The following PPP1R16A variants were observed in gnomAD, a reference collection of about 807,000 sequenced individuals.
The protein encoded by PPP1R16A is myosin phosphatase-targeting subunit 3.
PPP1R16A carries 39 observed loss-of-function variants against 46.6 expected under a neutral mutation model. The observed-to-expected ratio is 0.84, with a 90% CI of 0.65 to 1.09. The LOEUF is 1.09. Among genes scored for constraint, PPP1R16A ranks in the 50% least tolerant of loss-of-function variants. The probability of loss-of-function intolerance (pLI) is 0.00; values close to 1 mark genes in which losing one functional copy is unlikely to be tolerated. For synonymous variants in PPP1R16A, 413 were observed against 321.5 expected (o/e 1.28, Z -3.04); for missense variants, 798 against 735.6 (o/e 1.08, Z -0.98).
chr8:144,497,139 C>A lies in PPP1R16A; in HGVS notation c.-56C>A. The A allele has an allele frequency of 6.5e-7, 1 of 1,536,706 alleles. No individual in the cohort carries two copies. The highest frequency in any genetic ancestry group is 8.7e-7 in the Non-Finnish European group (1 of 1,145,776). On this transcript the variant is annotated 5_prime_UTR_variant, in exon 3 of 12. Transcript: ENST00000435887. Reference sequence around the variant, plus strand: ...CCCCACCCCTCAGGCCCAGCCTGGCCCCCAAGCTCCCCACTCTGGTGCCCC... The same window carrying A: ...CCCCACCCCTCAGGCCCAGCCTGGCACCCAAGCTCCCCACTCTGGTGCCCC...
intron 3 of PPP1R16A, 120 bp downstream of exon 3, chr8:144,497,573 A>G (rs1826137303): frequency 7.0e-7 from 1 of 1,426,384 alleles, no homozygotes. Flanking sequence ...TCCAGCCCCC[A>G]GATCTTGCCT....
chr8:144,500,453 T>C, intron 7 of PPP1R16A, 34 bp from the exon 8 acceptor site: 1 of 1,548,872 alleles, frequency 6.5e-7, no homozygotes, highest in African/African-American at 1.4e-5. Flanking sequence ...AGGTGGGGGA[T>C]GGGGCCGAAT....
chr8:144,492,964 G>A (rs575535157), intron 2 of PPP1R16A, among the ~76,000 whole-genome samples: 1 of 152,174 alleles, frequency 6.6e-6, no homozygotes, highest in Non-Finnish European at 1.5e-5. Flanking sequence ...GACCGGGGCA[G>A]CTCTGGGTTT....
At position 144,493,877 on chromosome 8, in the gene PPP1R16A, C is replaced by T. The variant is rs935391354; in HGVS notation, c.-734-2584C>T. On this transcript the variant is annotated intron_variant, in intron 2 of 11. Coordinates refer to ENST00000435887, the MANE Select transcript of PPP1R16A (RefSeq NM_001329443.2). The surrounding 1 kb of genome is among the most constrained non-coding windows in gnomAD (Gnocchi z 4.3). ...GGGTGGGGCCAAGTGCCCTGTGAGC[C>T]GTGCTGGGTGGGGTGGGGGAGGTAG... Among the ~76,000 whole-genome samples the T allele has an allele frequency of 1.3e-5, 2 of 151,762 alleles. No individual in the cohort carries two copies. The highest frequency in any genetic ancestry group is 4.8e-5 in the African/African-American group (2 of 41,292).
chr8:144,480,514 G>A (rs1052079466), intron 1 of PPP1R16A, among the ~76,000 whole-genome samples: 1 of 150,314 alleles, frequency 6.7e-6, no homozygotes, highest in African/African-American at 2.5e-5. Flanking sequence ...TTGAGACAGA[G>A]TCTTGCTCTG....
intron 1 of PPP1R16A, among the ~76,000 whole-genome samples, chr8:144,482,356 C>A (rs1392195143): frequency 6.6e-6 from 1 of 152,108 alleles, no homozygotes; most frequent in Non-Finnish European, 1.5e-5. Context: ...CCGCTCCTGG[C>A]CAGTTTATAG....
rs116427216 is a variant in PPP1R16A, at chr8:144,488,807, G to C, written c.-913-1227G>C. Among the ~76,000 whole-genome samples the C allele has an allele frequency of 3.2e-3, 487 of 152,050 alleles. 4 individuals are homozygous for C. The highest frequency in any genetic ancestry group is 0.011 in the African/African-American group (466 of 41,466). On this transcript the variant is annotated intron_variant, in intron 1 of 11. Coordinates refer to ENST00000435887, the MANE Select transcript of PPP1R16A (RefSeq NM_001329443.2). Reference sequence around the variant, plus strand: ...ACTCCAGGCCTCAGCCAGGAGCACAGGGGTTGGGGAAAGAGGGCCCTCAGT... The same window carrying C: ...ACTCCAGGCCTCAGCCAGGAGCACACGGGTTGGGGAAAGAGGGCCCTCAGT...
intron 3 of PPP1R16A, chr8:144,497,800 C>T (rs1826157675): frequency 2.4e-6 from 1 of 422,908 alleles, no homozygotes; most frequent in African/African-American, 2.0e-5. Flanking sequence ...GGCCGGTAGT[C>T]ATTGCTGCTT....
Position 144,478,077 on chromosome 8 carries a change from C to A in PPP1R16A, c.-964C>A. 2.5e-6 allele frequency: 1 copy of A among 395,798 alleles called. No individual in the cohort carries two copies. Among genetic ancestry groups the A allele is most frequent in the Non-Finnish European group, 4.5e-6 (1 of 224,178 alleles). 24.5% of individuals were successfully genotyped at this position (395,798 alleles called of 1,614,324 possible). On this transcript the variant is annotated 5_prime_UTR_variant, in exon 1 of 12. Coordinates refer to ENST00000435887, the MANE Select transcript of PPP1R16A (RefSeq NM_001329443.2). ...CCTCAGGGAGCGCGGGGCCCACTGACCCGCGGAAGCCAGCGGACCCACTTG... is the reference window on the plus strand; with the variant it reads ...CCTCAGGGAGCGCGGGGCCCACTGAACCGCGGAAGCCAGCGGACCCACTTG...
At chr8:144,498,238 C>T in intron 3 of PPP1R16A, 6 of 370,270 alleles carry the variant, frequency 1.6e-5, no homozygotes, top group South Asian at 1.1e-4. Flanking sequence ...TCCTGCTGCA[C>T]CCCAGGCACC....
rs201584344 is a variant in PPP1R16A, at chr8:144,497,495, C to T, written c.259+42C>T. On this transcript the variant is annotated intron_variant, in intron 3 of 11. Transcript: ENST00000435887. The stretch of plus-strand genomic sequence containing the variant: ...CCAGAGCAGCTCCCAGCAGACGGCC[C>T]ACTCCCTGCTACCTGGGTGCCGTCT... 1,232 of 1,609,230 alleles carry T rather than the reference C, an allele frequency of 7.7e-4. 9 individuals carry two copies. The highest frequency in any genetic ancestry group is 3.5e-4 in the Non-Finnish European group (410 of 1,179,670).
At chr8:144,489,418 G>C (rs1451866858) in intron 1 of PPP1R16A, among the ~76,000 whole-genome samples, 1 of 150,204 alleles carries the variant, frequency 6.7e-6, no homozygotes, top group Middle Eastern at 3.2e-3. Flanking sequence ...GTCTGGGAGG[G>C]GGTGAGCTGC....
chr8:144,487,022 CT>C (rs2130257720), intron 1 of PPP1R16A, among the ~76,000 whole-genome samples: 1 of 152,138 alleles, frequency 6.6e-6, no homozygotes, highest in Admixed American at 6.5e-5. Flanking sequence ...TGATTATTTT[CT>C]GTCACCCAGT....
At chr8:144,491,655 C>T (rs1034645240) in intron 2 of PPP1R16A, among the ~76,000 whole-genome samples, 23 of 151,424 alleles carry the variant, frequency 1.5e-4, no homozygotes, top group African/African-American at 5.3e-4. Flanking sequence ...TCCAGCTACT[C>T]GGGAGGCTGA....
chr8:144,500,788 T>A (rs915949348), intron 9 of PPP1R16A, 27 bp downstream of exon 9: 5 of 1,608,118 alleles, frequency 3.1e-6, no homozygotes, highest in Non-Finnish European at 4.2e-6. Flanking sequence ...CACCTCCACC[T>A]GGGGGAGAGG....
At chr8:144,482,604 C>T (rs940633756) in intron 1 of PPP1R16A, among the ~76,000 whole-genome samples, 1 of 151,658 alleles carries the variant, frequency 6.6e-6, no homozygotes, top group Admixed American at 6.6e-5. Flanking sequence ...CTCCCTGCCT[C>T]AACCTCCCGA....
intron 1 of PPP1R16A, among the ~76,000 whole-genome samples, chr8:144,485,944 G>T (rs1424567588): frequency 6.6e-6 from 1 of 152,148 alleles, no homozygotes; most frequent in Non-Finnish European, 1.5e-5. Flanking sequence ...CAGGGTGTGG[G>T]CGTTGAGGTC....
rs763600216 is a variant in PPP1R16A at position 144,500,545 on chromosome 8, G to A, written c.764G>A (p.Arg255Gln). ...GCGGCTGCCCTGCTGCTGGAACACC[G>A]AGCCAGCCTGAGCGCTAAGGACCAA... The part of the protein sequence containing the change: ...SEAAALLLEH[R>Q]ASLSAKDQDG... Residue 255 changes from arginine to glutamine, a missense_variant, in exon 8 of 12, where the codon CGA becomes CAA. Transcript: ENST00000435887. The A allele has an allele frequency of 6.3e-7, 1 of 1,596,194 alleles. No individual in the cohort carries two copies. The highest frequency in any genetic ancestry group is 8.5e-7 in the Non-Finnish European group (1 of 1,178,692).
chr8:144,500,504 C>T lies in PPP1R16A; in HGVS notation c.723C>T (p.Ala241=). Reference sequence around the variant, plus strand: ...GCCTGCAGCTGCACGTCGCAGCCGCCAACGGGTTCAGCGAGGCGGCTGCCC... The same window carrying T: ...GCCTGCAGCTGCACGTCGCAGCCGCTAACGGGTTCAGCGAGGCGGCTGCCC... ...HGATLLHVAA[A]NGFSEAAALL... is the part of the protein sequence containing the mutation. The change falls in exon 8 of 12, where the codon GCC becomes GCT. Residue 241 remains alanine, a synonymous_variant. Coordinates refer to ENST00000435887, the MANE Select transcript of PPP1R16A (RefSeq NM_001329443.2). 6.3e-7 allele frequency: 1 copy of T among 1,587,880 alleles called. No individual in the cohort carries two copies. The highest frequency in any genetic ancestry group is 8.5e-7 in the Non-Finnish European group (1 of 1,175,218).
Sources: allele counts gnomAD v4.1 joint callset (sites outside exome capture counted in the v4.1 genomes callset), GRCh38; gene constraint gnomAD v4.1.1; non-coding constraint Gnocchi (gnomAD v3.1); transcripts MANE v1.5; gene names NCBI Gene and HGNC (gene_info 2026-07-23, HGNC 2026-07-21).